Variants in CAMK2B observed in about 807,000 individuals in gnomAD.
The protein encoded by CAMK2B is calcium/calmodulin-dependent protein kinase type II subunit beta.
A neutral mutation model predicts 93.7 loss-of-function variants in CAMK2B; 27 were observed. The ratio of observed to expected loss-of-function variants is 0.29; its 90% CI spans 0.21 to 0.40. CAMK2B has a LOEUF of 0.40. Ranked by LOEUF, CAMK2B falls within the 10% of genes least tolerant of loss-of-function variation. The probability of loss-of-function intolerance (pLI) is 1.00; values close to 1 mark genes in which losing one functional copy is unlikely to be tolerated. For missense variants in CAMK2B, 568 were observed against 895.8 expected (o/e 0.63, Z 4.67); for synonymous variants, 374 against 358.8 (o/e 1.04, Z -0.48).
intron 3 of CAMK2B, among the ~76,000 whole-genome samples, chr7:44,261,732 A>G (rs990880322): frequency 6.6e-6 from 1 of 152,268 alleles, no homozygotes; most frequent in Non-Finnish European, 1.5e-5. Context: ...ATCAGACGGC[A>G]AATTCACAGA....
intron 2 of CAMK2B, among the ~76,000 whole-genome samples, chr7:44,283,885 G>A (rs368486776): frequency 4.6e-5 from 7 of 152,318 alleles, no homozygotes; most frequent in African/African-American, 1.7e-4. Context: ...AGGGTCCCTT[G>A]GCACCCCCAC....
rs374747315 is a variant in CAMK2B at position 44,312,977 on chromosome 7, C to T, written c.65+12380G>A. Among the ~76,000 whole-genome samples the T allele has an allele frequency of 6.6e-6, 1 of 152,062 alleles. No individual in the cohort carries two copies. The highest frequency in any genetic ancestry group is 2.4e-5 in the African/African-American group (1 of 41,396). Reference sequence around the variant, plus strand: ...AGTGGGCCCAGGACAGCTGGGTCCCCAGCTCTGTCGAAGGAGGAGTACAGG... The same window carrying T: ...AGTGGGCCCAGGACAGCTGGGTCCCTAGCTCTGTCGAAGGAGGAGTACAGG... On this transcript the variant is annotated intron_variant, in intron 1 of 23. Coordinates refer to ENST00000395749, the MANE Select transcript of CAMK2B (RefSeq NM_001220.5). This position sits in a 1 kb window ranked among gnomAD's most constrained non-coding sequence, Gnocchi z 4.1.
chr7:44,313,427 T>A (rs1410504621), intron 1 of CAMK2B, among the ~76,000 whole-genome samples: 1 of 151,694 alleles, frequency 6.6e-6, no homozygotes. Flanking sequence ...CCAGCCTTGC[T>A]ACAAAGGCCT....
intron 2 of CAMK2B, among the ~76,000 whole-genome samples, chr7:44,280,118 C>T (rs942975351): frequency 4.6e-5 from 7 of 152,216 alleles, no homozygotes; most frequent in African/African-American, 1.4e-4. Flanking sequence ...CTCCTCCTCC[C>T]GAGGTCTCGC....
At chr7:44,254,450 G>A (rs1037070933) in intron 5 of CAMK2B, 92 bp downstream of exon 5, 11 of 916,632 alleles carry the variant, frequency 1.2e-5, no homozygotes, top group African/African-American at 8.1e-5. Flanking sequence ...AGCACCAGAC[G>A]TGGGTTAGAA....
chr7:44,269,123 C>G (rs914464989), intron 2 of CAMK2B, among the ~76,000 whole-genome samples: 1 of 152,188 alleles, frequency 6.6e-6, no homozygotes, highest in African/African-American at 2.4e-5. Flanking sequence ...TCACACCAAC[C>G]CTGCTGCATC....
rs192133310 is a variant in CAMK2B, at chr7:44,222,390, C to T, written c.1598-1489G>A. The stretch of plus-strand genomic sequence containing the variant: ...TCTTTGCTGTGAGTGCTGCCTCCAA[C>T]GGCCACATACATGCAACCTGTCTGT... On this transcript the variant is annotated intron_variant, in intron 20 of 23. Transcript: ENST00000395749. Among the ~76,000 whole-genome samples, 45 of 152,218 alleles carry T rather than the reference C, an allele frequency of 3.0e-4. No individual in the cohort carries two copies. The East Asian group carries it at 5.8e-3, about 20-fold the overall frequency.
chr7:44,220,552 G>A (rs2128860104), intron 22 of CAMK2B, 64 bp downstream of exon 22: 1 of 1,385,274 alleles, frequency 7.2e-7, no homozygotes. Flanking sequence ...CTGTCCCTGG[G>A]AGGGGCCGAG....
At chr7:44,228,138 C>A (rs2096537851) in intron 19 of CAMK2B, among the ~76,000 whole-genome samples, 1 of 151,864 alleles carries the variant, frequency 6.6e-6, no homozygotes, top group Admixed American at 6.6e-5. Flanking sequence ...GTAAGTGGCC[C>A]TTGAGGAACG....
At chr7:44,298,858 A>C (rs536603998) in intron 1 of CAMK2B, among the ~76,000 whole-genome samples, 10 of 150,406 alleles carry the variant, frequency 6.6e-5, no homozygotes, top group Non-Finnish European at 1.2e-4. Context: ...GATGACTATT[A>C]TAAATTTTTT....
intron 19 of CAMK2B, among the ~76,000 whole-genome samples, 173 bp from the exon 20 acceptor site, chr7:44,226,817 T>C (rs1314192867): frequency 2.5e-4 from 2 of 7,876 alleles, no homozygotes; most frequent in East Asian, 7.8e-3. Flanking sequence ...GGGGGGAAGA[T>C]GGTGGACCTG....
intron 16 of CAMK2B, among the ~76,000 whole-genome samples, chr7:44,232,238 C>T (rs2096586442): frequency 1.3e-5 from 2 of 152,124 alleles, no homozygotes; most frequent in South Asian, 4.1e-4. Context: ...TAGGTGGGAG[C>T]TGGGCTGGAG....
intron 17 of CAMK2B, 154 bp from the exon 18 acceptor site, chr7:44,229,655 G>A: frequency 2.0e-6 from 1 of 507,836 alleles, no homozygotes; most frequent in Non-Finnish European, 3.5e-6. Flanking sequence ...CACCTGTGGG[G>A]GTCCTGGGCC....
At chr7:44,262,960 GAGA>G in intron 3 of CAMK2B, 42 bp downstream of exon 3, 1 of 1,542,238 alleles carries the variant, frequency 6.5e-7, no homozygotes, top group Non-Finnish European at 8.9e-7. Flanking sequence ...TGCTGTCCGG[GAGA>G]AGGTGGGGAC....
intron 1 of CAMK2B, among the ~76,000 whole-genome samples, chr7:44,303,622 A>G (rs1316334045): frequency 6.6e-6 from 1 of 152,208 alleles, no homozygotes; most frequent in Non-Finnish European, 1.5e-5. Flanking sequence ...CATAGACCTA[A>G]ATGTAAAATG....
Position 44,218,482 on chromosome 7 carries a change from C to G in CAMK2B, c.*1043G>C, listed in dbSNP as rs947389206. 6.6e-6 allele frequency: 1 copy of G among 152,296 alleles called. No individual in the cohort carries two copies. The highest frequency in any genetic ancestry group is 1.5e-5 in the Non-Finnish European group (1 of 68,074). 9.4% of individuals were successfully genotyped at this position (152,296 alleles called of 1,614,324 possible). On this transcript the variant is annotated 3_prime_UTR_variant, in exon 24 of 24. Transcript: ENST00000395749. ...AGGCCCGCAGTCCTTTGTCAAAAGT[C>G]TGCTCCCCCTTGCGGGCTGCAGAGA...
intron 3 of CAMK2B, 48 bp downstream of exon 3, chr7:44,262,957 C>T (rs371135571): frequency 1.2e-4 from 176 of 1,525,404 alleles, no homozygotes; most frequent in Non-Finnish European, 1.4e-4. Context: ...GGCTGCTGTC[C>T]GGGAGAAGGT....
chr7:44,283,051 TG>T (rs2097114782), intron 2 of CAMK2B, among the ~76,000 whole-genome samples: 1 of 152,158 alleles, frequency 6.6e-6, no homozygotes, highest in Admixed American at 6.5e-5. Context: ...GGCAGTGACA[TG>T]GGGCTGCCAC....
intron 1 of CAMK2B, among the ~76,000 whole-genome samples, chr7:44,291,218 G>C (rs1340085206): frequency 6.6e-6 from 1 of 152,114 alleles, no homozygotes; most frequent in African/African-American, 2.4e-5. Context: ...TCCGCCAAGT[G>C]GGGAGAGTGT....
Sources: allele counts gnomAD v4.1 joint callset (sites outside exome capture counted in the v4.1 genomes callset), GRCh38; gene constraint gnomAD v4.1.1; non-coding constraint Gnocchi (gnomAD v3.1); transcripts MANE v1.5; gene names NCBI Gene and HGNC (gene_info 2026-07-23, HGNC 2026-07-21).